The following RUSC2 variants were observed in gnomAD, a reference collection of about 807,000 sequenced individuals.
RUSC2 encodes the protein AP-4 complex accessory subunit RUSC2.
In RUSC2, 34 loss-of-function variants were observed where a neutral mutation model predicts 122.2. The observed-to-expected ratio is 0.28, with a 90% confidence interval of 0.21 to 0.37. The LOEUF (loss-of-function observed/expected upper bound fraction) is 0.37. Ranked by LOEUF, RUSC2 falls within the 10% of genes least tolerant of loss-of-function variation. RUSC2 has a pLI of 1.00. For missense variants in RUSC2, 1,747 were observed against 1,952.4 expected, an observed-to-expected ratio of 0.89 and a Z score of 1.98; for synonymous variants, 784 against 790.0, an observed-to-expected ratio of 0.99 and a Z score of 0.13.
At chr9:35,504,798 C>G (rs1334152703) in intron 1 of RUSC2, among the ~76,000 whole-genome samples, 1 of 152,108 alleles carries the variant, frequency 6.6e-6, no homozygotes, top group Non-Finnish European at 1.5e-5. Context: ...AAGAAAGTCA[C>G]AGGACAAATA....
intron 1 of RUSC2, among the ~76,000 whole-genome samples, chr9:35,532,267 GAAGAATGT>G (rs1821435582): frequency 6.6e-6 from 1 of 152,210 alleles, no homozygotes; most frequent in Admixed American, 6.5e-5. Context: ...GGAAGTTCAG[GAAGAATGT>G]AAGATTTGGA....
chr9:35,531,848 A>G (rs1821424925), intron 1 of RUSC2, among the ~76,000 whole-genome samples: 1 of 152,024 alleles, frequency 6.6e-6, no homozygotes, highest in African/African-American at 2.4e-5. Flanking sequence ...ACACAGTGAA[A>G]CCCCTCCTCT....
chr9:35,507,283 A>G (rs1386213095), intron 1 of RUSC2, among the ~76,000 whole-genome samples: 1 of 152,196 alleles, frequency 6.6e-6, no homozygotes, highest in Non-Finnish European at 1.5e-5. Flanking sequence ...GCATTTATCC[A>G]TGTTGCCACA....
intron 1 of RUSC2, among the ~76,000 whole-genome samples, chr9:35,510,490 C>T (rs1419991623): frequency 1.3e-5 from 2 of 152,230 alleles, no homozygotes; most frequent in African/African-American, 4.8e-5. Flanking sequence ...GAATGCAGCA[C>T]ATTCCAAAGG....
At position 35,547,178 on chromosome 9, in the gene RUSC2, T is replaced by C. The variant is rs1821768157; in HGVS notation, c.657T>C (p.Asp219=). 1.2e-6 allele frequency: 2 copies of C among 1,614,020 alleles called. No homozygotes were observed. Among genetic ancestry groups the C allele is most frequent in the South Asian group, 2.2e-5 (2 of 91,086 alleles). The change falls in exon 2 of 12, where the codon GAT becomes GAC. Residue 219 remains aspartate, a synonymous_variant. Transcript: ENST00000361226. This position sits in a 1 kb window ranked among gnomAD's most constrained non-coding sequence, Gnocchi z 4.6. ...GGSGSGGGAS[D]TSGFSFDQEW... ...GTGGCAGTGGGGGTGGAGCCAGCGA[T>C]ACCTCTGGCTTTTCCTTTGACCAGG... is the stretch of plus-strand genomic sequence containing the variant.
intron 1 of RUSC2, among the ~76,000 whole-genome samples, chr9:35,518,734 T>C (rs1395692436): frequency 6.6e-6 from 1 of 152,192 alleles, no homozygotes; most frequent in African/African-American, 2.4e-5. Flanking sequence ...CTAAAAACTA[T>C]ACAGATCGGT....
intron 1 of RUSC2, among the ~76,000 whole-genome samples, chr9:35,533,117 C>T (rs191872175): frequency 3.9e-5 from 6 of 152,072 alleles, no homozygotes; most frequent in Non-Finnish European, 8.8e-5. Context: ...CATAGTGGCG[C>T]ATGCCTGTAA....
At chr9:35,513,918 A>G (rs1429930758) in intron 1 of RUSC2, among the ~76,000 whole-genome samples, 1 of 143,376 alleles carries the variant, frequency 7.0e-6, no homozygotes, top group African/African-American at 2.6e-5. Flanking sequence ...ATATATATAT[A>G]TATATATATA....
chr9:35,551,616 T>C (rs1821898519), intron 2 of RUSC2, among the ~76,000 whole-genome samples: 1 of 152,234 alleles, frequency 6.6e-6, no homozygotes, highest in Admixed American at 6.5e-5. Context: ...GATTAAGACA[T>C]ATCAACATGC....
rs1362835314 is a variant in RUSC2, at chr9:35,547,922, A to T, written c.1401A>T (p.Ala467=). ...AAGCAGTGAGTTCCTCCACCCAAGC[A>T]GCAGCTGCTGTGGGCCCCACTGTGC... is the stretch of plus-strand genomic sequence containing the variant. ...EQEAVSSSTQ[A]AAAVGPTVLE... Residue 467 remains alanine, a synonymous_variant, in exon 2 of 12, where the codon GCA becomes GCT. Coordinates refer to ENST00000361226, the MANE Select transcript of RUSC2 (RefSeq NM_014806.5). The surrounding 1 kb of genome is among the most constrained non-coding windows in gnomAD (Gnocchi z 4.6). 6.2e-7 allele frequency: 1 copy of T among 1,614,148 alleles called. No individual in the cohort carries two copies. Among genetic ancestry groups the T allele is most frequent in the East Asian group, 2.2e-5 (1 of 44,900 alleles).
Position 35,560,562 on chromosome 9 carries a change from G to A in RUSC2, c.3922G>A (p.Gly1308Ser), listed in dbSNP as rs140228502. Residue 1308 changes from glycine (G) to serine (S), a missense_variant, in exon 10 of 12, where the codon GGT becomes AGT. Physicochemically the swap from Gly to Ser is moderately conservative, Grantham distance 56. Transcript: ENST00000361226. ...CAGCGAGAAAAAGAAAGGGGCAGGAGGTGGGGGACCTCCCCAGGCTCCACC... is the reference window on the plus strand; with the variant it reads ...CAGCGAGAAAAAGAAAGGGGCAGGAAGTGGGGGACCTCCCCAGGCTCCACC... ...SSSEKKKGAG[G>S]GGPPQAPPPR... 38 of 1,614,046 alleles carry A rather than the reference G, an allele frequency of 2.4e-5. No homozygotes were observed. The African/African-American group carries it at 4.4e-4, about 19-fold the overall frequency.
rs1001237657 is a variant in RUSC2 at position 35,561,354 on chromosome 9, G to A, written c.4523G>A (p.Ser1508Asn). 2 of 1,613,526 alleles carry A rather than the reference G, an allele frequency of 1.2e-6. No individual in the cohort carries two copies. Among genetic ancestry groups the A allele is most frequent in the South Asian group, 1.1e-5 (1 of 91,046 alleles). The change falls in exon 12 of 12, where the codon AGT becomes AAT. Residue 1508 changes from serine (S) to asparagine (N), a missense_variant. Coordinates refer to ENST00000361226, the MANE Select transcript of RUSC2 (RefSeq NM_014806.5). Reference protein sequence around the residue: ...LAYVTLTPTPSPTPGSSQN With the variant: ...LAYVTLTPTPNPTPGSSQN ...TACGTGACATTGACCCCAACTCCAA[G>A]TCCAACCCCTGGAAGCAGCCAAAAC...
rs762431718 is a variant in RUSC2 at position 35,560,414 on chromosome 9, G to T, written c.3774G>T (p.Gly1258=). Residue 1258 remains glycine (G), a synonymous_variant, in exon 10 of 12, where the codon GGG becomes GGT. Transcript: ENST00000361226. ...TGGCAGAGGCAGCCGGGGGCTCAGG[G>T]CGTGCCAGGTGGGCCCGAGGTGGGC... ...EEVAEAAGGS[G]RARWARGGQA... is the part of the protein sequence containing the mutation. 1.3e-5 allele frequency: 21 copies of T among 1,614,174 alleles called. No homozygotes were observed. In the East Asian group the frequency reaches 4.5e-4, roughly 34 times the overall value.
chr9:35,559,733 T>TCAAAAAA (rs1341965465), intron 9 of RUSC2, among the ~76,000 whole-genome samples: 1 of 152,054 alleles, frequency 6.6e-6, no homozygotes, highest in African/African-American at 2.4e-5. Flanking sequence ...AGACTCAGTC[T>TCAAAAAA]CAAAAAACAA....
rs564464256 is a variant in RUSC2, at chr9:35,547,020, G to A, written c.499G>A (p.Gly167Arg). The A allele has an allele frequency of 6.2e-6, 10 of 1,608,056 alleles. No individual in the cohort carries two copies. Among genetic ancestry groups the A allele is most frequent in the African/African-American group, 2.7e-5 (2 of 74,998 alleles). Residue 167 changes from glycine to arginine, a missense_variant, in exon 2 of 12, where the codon GGA becomes AGA. Transcript: ENST00000361226. This position sits in a 1 kb window ranked among gnomAD's most constrained non-coding sequence, Gnocchi z 4.6. The part of the protein sequence containing the change: ...RPWGTTRSRA[G>R]VVEGQEQEPV... ...ATGGGGGACAACACGCAGTCGGGCT[G>A]GAGTGGTGGAAGGGCAGGAACAGGA...
chr9:35,495,276 T>G (rs777463205), intron 1 of RUSC2, among the ~76,000 whole-genome samples: 36 of 122,496 alleles, frequency 2.9e-4, no homozygotes, highest in Non-Finnish European at 5.2e-4. Flanking sequence ...TTTTATATAT[T>G]ATATATATTA....
chr9:35,521,369 T>C (rs1389285566), intron 1 of RUSC2, among the ~76,000 whole-genome samples: 1 of 152,212 alleles, frequency 6.6e-6, no homozygotes, highest in Admixed American at 6.5e-5. Flanking sequence ...TGAATCCCTT[T>C]TGAGCATAGA....
At chr9:35,535,393 G>A (rs1371815383) in intron 1 of RUSC2, among the ~76,000 whole-genome samples, 2 of 150,686 alleles carry the variant, frequency 1.3e-5, no homozygotes, top group African/African-American at 4.9e-5. Flanking sequence ...TAGGATTACA[G>A]GCATTAGCCA....
rs986845191 is a variant in RUSC2 at position 35,558,554 on chromosome 9, C to T, written c.3328C>T (p.Leu1110Phe). ...SHTMRFNAFI[L>F]GLLNIRSLEF... is the part of the protein sequence containing the mutation. ...TACCATGCGCTTCAACGCCTTCATC[C>T]TCGGCCTGCTCAAGTGAGTGCACAG... Residue 1110 changes from leucine to phenylalanine, a missense_variant, in exon 8 of 12, where the codon CTC (leucine) becomes TTC (phenylalanine). Physicochemically the swap from Leu to Phe is conservative, Grantham distance 22 (BLOSUM62 0). Coordinates refer to ENST00000361226, the MANE Select transcript of RUSC2 (RefSeq NM_014806.5). This position sits in a 1 kb window ranked among gnomAD's most constrained non-coding sequence, Gnocchi z 4.3. The T allele has an allele frequency of 2.5e-6, 4 of 1,613,664 alleles. No individual in the cohort carries two copies. The highest frequency in any genetic ancestry group is 2.5e-6 in the Non-Finnish European group (3 of 1,179,682).
Sources: gnomAD v4.1 joint callset for allele counts (sites outside exome capture counted in the v4.1 genomes callset) on GRCh38, gnomAD v4.1.1 for gene constraint, Gnocchi (gnomAD v3.1) non-coding constraint, MANE v1.5 for transcripts, NCBI Gene and HGNC (gene_info 2026-07-23, HGNC 2026-07-21) for gene names.